Variants in SH2D4A observed in about 807,000 individuals in gnomAD.
The protein encoded by SH2D4A is SH2 domain containing 4A.
SH2D4A carries 70 observed loss-of-function variants against 64.7 expected under a neutral mutation model. That is an observed-to-expected ratio of 1.08 (90% CI 0.89 to 1.32). SH2D4A has a LOEUF of 1.32. SH2D4A is among the 40% of genes most tolerant of loss of function. The probability of loss-of-function intolerance (pLI) is 0.00; values close to 1 mark genes in which losing one functional copy is unlikely to be tolerated. For synonymous variants in SH2D4A, 268 were observed against 200.7 expected (o/e 1.34, Z -2.83); for missense variants, 706 against 540.1 (o/e 1.31, Z -3.04).
intron 1 of SH2D4A, among the ~76,000 whole-genome samples, chr8:19,317,565 A>C (rs560741164): frequency 9.9e-5 from 15 of 152,254 alleles, no homozygotes; most frequent in Admixed American, 7.2e-4. Context: ...CTGAGTATGC[A>C]CACCACTCTG....
intron 2 of SH2D4A, among the ~76,000 whole-genome samples, chr8:19,330,689 G>A (rs1235372627): frequency 6.6e-6 from 1 of 152,058 alleles, no homozygotes; most frequent in Non-Finnish European, 1.5e-5. Flanking sequence ...CTGAGGTGCT[G>A]GAATCCCTCT....
intron 5 of SH2D4A, among the ~76,000 whole-genome samples, chr8:19,358,766 C>T (rs1215566778): frequency 6.6e-6 from 1 of 152,220 alleles, no homozygotes; most frequent in African/African-American, 2.4e-5. Flanking sequence ...ATTCTAAGTG[C>T]TTCCATCAAC....
chr8:19,343,266 A>ACTT (rs1445358771), intron 4 of SH2D4A, among the ~76,000 whole-genome samples: 4 of 152,110 alleles, frequency 2.6e-5, no homozygotes, highest in African/African-American at 4.8e-5. Context: ...CTCTACAGAA[A>ACTT]TTAAAAAAAA....
At chr8:19,319,757 T>C (rs768790516) in intron 2 of SH2D4A, 29 bp downstream of exon 2, 2 of 1,534,942 alleles carry the variant, frequency 1.3e-6, no homozygotes, top group Non-Finnish European at 1.7e-6. Flanking sequence ...CTTCTGTGGA[T>C]GTGTTGGTAG....
rs2052034073 is a variant in SH2D4A, at chr8:19,313,721, G to T, written c.-307G>T. 3 of 1,499,394 alleles carry T rather than the reference G, an allele frequency of 2.0e-6. No individual in the cohort carries two copies. Among genetic ancestry groups the T allele is most frequent in the Non-Finnish European group, 2.7e-6 (3 of 1,126,948 alleles). The allele number at this position is 1,499,394 out of a possible 1,614,324, so 92.9% of individuals were successfully genotyped here. A position where few individuals can be genotyped will look rare whatever the true frequency, so the allele number is the denominator to read the frequency against. Reference sequence around the variant, plus strand: ...TTTGCTCAGCCCGCCTGCGCCGCTTGGGACGCCTCTGCCTTTCCCTCCCTC... The same window carrying T: ...TTTGCTCAGCCCGCCTGCGCCGCTTTGGACGCCTCTGCCTTTCCCTCCCTC... On this transcript the variant is annotated 5_prime_UTR_variant, in exon 1 of 10. Transcript: ENST00000265807.
intron 7 of SH2D4A, among the ~76,000 whole-genome samples, chr8:19,370,432 A>G (rs2053075365): frequency 6.6e-6 from 1 of 152,052 alleles, no homozygotes; most frequent in African/African-American, 2.4e-5. Flanking sequence ...TTAATTGAGT[A>G]CATATATATT....
chr8:19,359,348 T>C (rs2052843074), intron 5 of SH2D4A, among the ~76,000 whole-genome samples: 1 of 152,220 alleles, frequency 6.6e-6, no homozygotes, highest in African/African-American at 2.4e-5. Context: ...CATCTGTTAT[T>C]ATTAATATTT....
intron 6 of SH2D4A, among the ~76,000 whole-genome samples, chr8:19,361,586 A>G (rs1363720707): frequency 1.3e-5 from 2 of 152,184 alleles, no homozygotes; most frequent in African/African-American, 4.8e-5. Flanking sequence ...TAGGTTTTGG[A>G]GAGTGTTTAA....
At chr8:19,357,879 C>T (rs11991640) in intron 5 of SH2D4A, among the ~76,000 whole-genome samples, 4 of 152,074 alleles carry the variant, frequency 2.6e-5, no homozygotes, top group East Asian at 1.9e-4. Flanking sequence ...TTTGACCTAC[C>T]GAGAGTCTGA....
intron 2 of SH2D4A, among the ~76,000 whole-genome samples, chr8:19,322,551 T>A (rs535521950): frequency 6.6e-6 from 1 of 152,198 alleles, no homozygotes; most frequent in African/African-American, 2.4e-5. Context: ...CTGTGCTTAG[T>A]GTTTGGGGAT....
chr8:19,373,419 T>C (rs1467764882), intron 7 of SH2D4A, 111 bp from the exon 8 acceptor site: 6 of 624,184 alleles, frequency 9.6e-6, no homozygotes, highest in Non-Finnish European at 1.4e-5. Context: ...CATGTATATA[T>C]ATGCATGTAT....
intron 8 of SH2D4A, among the ~76,000 whole-genome samples, chr8:19,384,410 T>C (rs1009023147): frequency 4.6e-5 from 7 of 152,232 alleles, no homozygotes; most frequent in Non-Finnish European, 8.8e-5. Context: ...TGCTTAAGTC[T>C]GCCTGATTTT....
chr8:19,349,532 T>C (rs1251976004), intron 4 of SH2D4A, among the ~76,000 whole-genome samples: 6 of 152,210 alleles, frequency 3.9e-5, no homozygotes, highest in Non-Finnish European at 5.9e-5. Flanking sequence ...GATTCACTTA[T>C]TGAACTCATT....
intron 7 of SH2D4A, among the ~76,000 whole-genome samples, chr8:19,370,113 TTCC>T (rs1382427004): frequency 6.6e-6 from 1 of 152,104 alleles, no homozygotes; most frequent in Non-Finnish European, 1.5e-5. Flanking sequence ...GTTTCTAGTT[TTCC>T]TCCTATTACT....
chr8:19,338,488 C>G (rs1461841784), intron 4 of SH2D4A, among the ~76,000 whole-genome samples: 1 of 152,210 alleles, frequency 6.6e-6, no homozygotes, highest in Non-Finnish European at 1.5e-5. Flanking sequence ...GCAGGCCCAG[C>G]TTAATCGCAT....
chr8:19,360,120 C>T (rs1168887360), intron 5 of SH2D4A, among the ~76,000 whole-genome samples: 2 of 152,082 alleles, frequency 1.3e-5, no homozygotes, highest in Non-Finnish European at 2.9e-5. Flanking sequence ...AAATGATTTC[C>T]GTTGAATGCT....
intron 8 of SH2D4A, among the ~76,000 whole-genome samples, chr8:19,380,037 C>T (rs117879936): frequency 0.028 from 4,267 of 152,202 alleles, 93 homozygotes; most frequent in Middle Eastern, 0.044. Context: ...TGCCTGTTAT[C>T]CTTTTTTTCT....
chr8:19,348,134 C>A (rs2052640613), intron 4 of SH2D4A, among the ~76,000 whole-genome samples: 1 of 152,156 alleles, frequency 6.6e-6, no homozygotes, highest in Non-Finnish European at 1.5e-5. Flanking sequence ...CTTGCTGTGT[C>A]ACCCAGGCTG....
At chr8:19,377,522 G>A in intron 8 of SH2D4A, among the ~76,000 whole-genome samples, 1 of 152,010 alleles carries the variant, frequency 6.6e-6, no homozygotes, top group South Asian at 2.1e-4. Flanking sequence ...CATATATATT[G>A]TAATAAAAAT....
Sources: gnomAD v4.1 joint callset for allele counts (sites outside exome capture counted in the v4.1 genomes callset) on GRCh38, gnomAD v4.1.1 for gene constraint, MANE v1.5 for transcripts, NCBI Gene and HGNC (gene_info 2026-07-23, HGNC 2026-07-21) for gene names.